Variants in ETHE1 observed in about 807,000 individuals in gnomAD.
ETHE1 encodes persulfide dioxygenase ETHE1, mitochondrial.
Under a neutral mutation model 25.7 loss-of-function variants are expected in ETHE1, and 16 were observed. That is an observed-to-expected ratio of 0.62 (90% CI 0.42 to 0.95). The LOEUF (loss-of-function observed/expected upper bound fraction) is 0.95. ETHE1 is among the 40% of genes least tolerant of loss of function. The pLI is 0.00. For missense variants in ETHE1, 300 were observed against 333.6 expected, an observed-to-expected ratio of 0.90 and a Z score of 0.79; for synonymous variants, 139 against 135.9, an observed-to-expected ratio of 1.02 and a Z score of -0.16.
intron 3 of ETHE1, 77 bp downstream of exon 3, chr19:43,526,124 A>G: frequency 1.2e-6 from 2 of 1,605,404 alleles, no homozygotes; most frequent in Non-Finnish European, 1.7e-6. Flanking sequence ...TCAGGATCCC[A>G]GGCCCCCAGT....
chr19:43,508,091 A>G lies in ETHE1; in HGVS notation c.596-31T>C, dbSNP rs202162263. The G allele has an allele frequency of 7.4e-6, 12 of 1,612,096 alleles. No homozygotes were observed. The East Asian group carries it at 2.5e-4, about 33-fold the overall frequency. On this transcript the variant is annotated intron_variant, in intron 5 of 6. Coordinates refer to ENST00000292147, the MANE Select transcript of ETHE1 (RefSeq NM_014297.5). ...GGCCAAGGGAGGGGAAGGAAAGTCA[A>G]GGAGTCTAGTGCCTCAGGCCTCTCA...
chr19:43,525,119 C>A (rs2146016178), intron 3 of ETHE1, among the ~76,000 whole-genome samples: 1 of 131,826 alleles, frequency 7.6e-6, no homozygotes, highest in Non-Finnish European at 1.6e-5. Context: ...GAGACCCAGT[C>A]TCAAATAAAA....
chr19:43,516,658 C>G (rs1256900741), intron 3 of ETHE1, among the ~76,000 whole-genome samples: 2 of 122,570 alleles, frequency 1.6e-5, no homozygotes, highest in Non-Finnish European at 3.2e-5. Context: ...GAGTCTCTCT[C>G]TGTCGCCCAG....
Position 43,511,545 on chromosome 19 carries a change from G to C in ETHE1, c.397C>G (p.Pro133Ala). Residue 133 changes from proline (P) to alanine (A), a missense_variant, in exon 4 of 7, where the codon CCT becomes GCT. Transcript: ENST00000292147. ...GTGACACAGCCTGGGGTGTGGCCAG[G>C]GCTGGCCCTGGTCTCCAACGCCTGG... ...GRFALETRASPGHTPGCVTFV... is the reference protein window; with the variant it reads ...GRFALETRASAGHTPGCVTFV... 1 of 1,613,902 alleles carries C rather than the reference G, an allele frequency of 6.2e-7. No homozygotes were observed.
chr19:43,523,817 T>A (rs1311888174), intron 3 of ETHE1, among the ~76,000 whole-genome samples: 3 of 152,076 alleles, frequency 2.0e-5, no homozygotes, highest in African/African-American at 7.2e-5. Flanking sequence ...ATGCCTGGAA[T>A]CCCAGCTATT....
chr19:43,516,363 G>A (rs1248934544), intron 3 of ETHE1, among the ~76,000 whole-genome samples: 2 of 151,588 alleles, frequency 1.3e-5, no homozygotes, highest in South Asian at 2.1e-4. Context: ...GCAGTGGTGC[G>A]ATCTCGGCTC....
chr19:43,527,122 G>T lies in ETHE1; in HGVS notation c.56C>A (p.Ser19Tyr). ...ARRQLSQRGG[S>Y]GAPILLRQMF... ...CTGCCGCAGGAGGATGGGGGCTCCA[G>T]ACCCGCCGCGCTGGCTCAGCTGCCG... Residue 19 changes from serine (S) to tyrosine (Y), a missense_variant, in exon 1 of 7, where the codon TCT (serine) becomes TAT (tyrosine). Transcript: ENST00000292147. 1 of 1,554,880 alleles carries T rather than the reference G, an allele frequency of 6.4e-7. No homozygotes were observed.
At chr19:43,522,873 G>C (rs1442036069) in intron 3 of ETHE1, among the ~76,000 whole-genome samples, 1 of 152,168 alleles carries the variant, frequency 6.6e-6, no homozygotes, top group Admixed American at 6.6e-5. Context: ...CACAATAAGA[G>C]AGCTGAGTAG....
At chr19:43,526,947 C>T in intron 1 of ETHE1, 150 bp downstream of exon 1, 1 of 1,516,430 alleles carries the variant, frequency 6.6e-7, no homozygotes, top group Non-Finnish European at 8.8e-7. Context: ...CTTTAAAGGA[C>T]CCAAGAGTCC....
At chr19:43,517,799 A>G (rs1366538952) in intron 3 of ETHE1, among the ~76,000 whole-genome samples, 1 of 151,866 alleles carries the variant, frequency 6.6e-6, no homozygotes, top group Non-Finnish European at 1.5e-5. Context: ...AAATTAGCCA[A>G]GCATGCCAAG....
At chr19:43,525,248 T>C (rs1972218086) in intron 3 of ETHE1, among the ~76,000 whole-genome samples, 1 of 152,024 alleles carries the variant, frequency 6.6e-6, no homozygotes, top group African/African-American at 2.4e-5. Flanking sequence ...ACAATGTACA[T>C]ACATGTACAA....
chr19:43,519,608 C>T (rs2599453), intron 3 of ETHE1, among the ~76,000 whole-genome samples: 3,175 of 152,220 alleles, frequency 0.021, 93 homozygotes, highest in African/African-American at 0.064. Flanking sequence ...AGAAACATAA[C>T]CCAGAAGGAA....
chr19:43,509,290 A>G (rs959742295), intron 4 of ETHE1, among the ~76,000 whole-genome samples: 4 of 151,952 alleles, frequency 2.6e-5, no homozygotes, highest in African/African-American at 9.7e-5. Context: ...TGAGGTCAGG[A>G]GTTCGAGACC....
chr19:43,506,922 G>A lies in ETHE1; in HGVS notation c.713-20C>T, dbSNP rs1238169560. The A allele has an allele frequency of 6.2e-7, 1 of 1,613,634 alleles. No individual in the cohort carries two copies. Among genetic ancestry groups the A allele is most frequent in the East Asian group, 2.2e-5 (1 of 44,860 alleles). ...CAAAGTCTGAAAGGAAGAAATCAAG[G>A]TTAAAACTAAGGGGCCTAGGTAGAG... On this transcript the variant is annotated intron_variant, in intron 6 of 6. Transcript: ENST00000292147.
Position 43,511,572 on chromosome 19 carries a change from A to C in ETHE1, c.376-6T>G, listed in dbSNP as rs1971918565. On this transcript the variant is annotated splice_polypyrimidine_tract_variant and splice_region_variant and intron_variant, in intron 3 of 6. Transcript: ENST00000292147. ...CTGGCCCTGGTCTCCAACGCCTGGC[A>C]GGGGTGGAAGAGTACAGAGATAGTC... is the stretch of plus-strand genomic sequence containing the variant. The C allele has an allele frequency of 6.2e-7, 1 of 1,612,620 alleles. No homozygotes were observed. Among genetic ancestry groups the C allele is most frequent in the South Asian group, 1.1e-5 (1 of 91,068 alleles).
At chr19:43,509,499 GAAA>G (rs35426776) in intron 4 of ETHE1, among the ~76,000 whole-genome samples, 2 of 114,000 alleles carry the variant, frequency 1.8e-5, no homozygotes, top group Non-Finnish European at 1.9e-5. Context: ...TCTGTCTCAA[GAAA>G]AAAAAAAAAA....
chr19:43,527,061 G>A, intron 1 of ETHE1, 36 bp downstream of exon 1: 1 of 1,545,746 alleles, frequency 6.5e-7, no homozygotes, highest in South Asian at 1.2e-5. Context: ...GCCGCCTAGT[G>A]CCCAGCAGTC....
chr19:43,516,773 G>A (rs1023958807), intron 3 of ETHE1, among the ~76,000 whole-genome samples: 8 of 151,550 alleles, frequency 5.3e-5, no homozygotes, highest in African/African-American at 1.7e-4. Context: ...TAACAGGCAC[G>A]CATCACTGTG....
rs374555158 is a variant in ETHE1, at chr19:43,526,380, G to C, written c.227-31C>G. 2.0e-5 allele frequency: 32 copies of C among 1,613,746 alleles called. No homozygotes were observed. In the South Asian group the frequency reaches 2.5e-4, roughly 13 times the overall value. On this transcript the variant is annotated intron_variant, in intron 2 of 6. Coordinates refer to ENST00000292147, the MANE Select transcript of ETHE1 (RefSeq NM_014297.5). ...AGAGAGAGGAGGGACAGGTCCGGAG[G>C]GTACAGAAAGGACCTGGGAGTCCCA...
Sources: gnomAD v4.1 joint callset for allele counts (sites outside exome capture counted in the v4.1 genomes callset) on GRCh38, gnomAD v4.1.1 for gene constraint, MANE v1.5 for transcripts, NCBI Gene and HGNC (gene_info 2026-07-23, HGNC 2026-07-21) for gene names.